KCNH8: variants seen among roughly 807,000 people sequenced by gnomAD.
KCNH8 encodes the protein voltage-gated delayed rectifier potassium channel KCNH8.
In KCNH8, 70 loss-of-function variants were observed where a neutral mutation model predicts 103.6. The ratio of observed to expected loss-of-function variants is 0.68; its 90% CI spans 0.56 to 0.82. The LOEUF (loss-of-function observed/expected upper bound fraction) is 0.82. KCNH8 is among the 40% of genes least tolerant of loss of function. The probability of loss-of-function intolerance (pLI) is 0.00; values close to 1 mark genes in which losing one functional copy is unlikely to be tolerated. For missense variants in KCNH8, 1,217 were observed against 1,329.9 expected, an observed-to-expected ratio of 0.92 and a Z score of 1.32; for synonymous variants, 498 against 489.4, an observed-to-expected ratio of 1.02 and a Z score of -0.23.
intron 11 of KCNH8, among the ~76,000 whole-genome samples, chr3:19,469,827 C>G (rs552149985): frequency 6.6e-6 from 1 of 152,154 alleles, no homozygotes; most frequent in Non-Finnish European, 1.5e-5. Flanking sequence ...CTCAGTGCCC[C>G]TTCTCTTCTT....
chr3:19,373,871 T>G (rs1020287535), intron 5 of KCNH8, among the ~76,000 whole-genome samples: 14 of 152,234 alleles, frequency 9.2e-5, no homozygotes, highest in South Asian at 6.2e-4. Flanking sequence ...TATGTACCCA[T>G]TAGTCATTCA....
chr3:19,298,998 G>A (rs1235258167), intron 3 of KCNH8, among the ~76,000 whole-genome samples: 1 of 151,778 alleles, frequency 6.6e-6, no homozygotes, highest in Non-Finnish European at 1.5e-5. Context: ...GGGTGCTTTG[G>A]AGTTGATGAA....
chr3:19,491,624 A>G (rs1269826213), intron 11 of KCNH8, among the ~76,000 whole-genome samples: 1 of 152,212 alleles, frequency 6.6e-6, no homozygotes, highest in African/African-American at 2.4e-5. Flanking sequence ...TGTCTTTGCT[A>G]TAGTGAGTAG....
intron 5 of KCNH8, among the ~76,000 whole-genome samples, chr3:19,350,107 C>T (rs907332447): frequency 6.6e-6 from 1 of 152,066 alleles, no homozygotes; most frequent in Admixed American, 6.6e-5. Context: ...TGAGTTTAAG[C>T]ATATCTACAA....
chr3:19,482,827 A>G, intron 11 of KCNH8, among the ~76,000 whole-genome samples: 1 of 152,202 alleles, frequency 6.6e-6, no homozygotes, highest in East Asian at 1.9e-4. Flanking sequence ...GTAGAGAGCT[A>G]ATCTATTTTG....
At chr3:19,248,462 A>C (rs1273932840) in intron 1 of KCNH8, among the ~76,000 whole-genome samples, 1 of 152,234 alleles carries the variant, frequency 6.6e-6, no homozygotes, top group Non-Finnish European at 1.5e-5. Flanking sequence ...AGGAGATGTC[A>C]TCAATGAATT....
At chr3:19,348,485 C>A (rs1266833726) in intron 5 of KCNH8, among the ~76,000 whole-genome samples, 1 of 152,060 alleles carries the variant, frequency 6.6e-6, no homozygotes, top group Non-Finnish European at 1.5e-5. Context: ...AAAGAAAAGG[C>A]CCCAAAGGAT....
At chr3:19,208,409 A>G (rs2125223260) in intron 1 of KCNH8, among the ~76,000 whole-genome samples, 1 of 152,134 alleles carries the variant, frequency 6.6e-6, no homozygotes, top group South Asian at 2.1e-4. Context: ...TTACCAAAGA[A>G]TAAATTCACT....
intron 5 of KCNH8, among the ~76,000 whole-genome samples, chr3:19,386,443 T>G (rs1161511646): frequency 1.3e-5 from 2 of 152,160 alleles, no homozygotes; most frequent in Non-Finnish European, 2.9e-5. Flanking sequence ...ATTAGCCTGC[T>G]TATTTACTCA....
intron 5 of KCNH8, among the ~76,000 whole-genome samples, chr3:19,364,834 G>A (rs1397642168): frequency 2.6e-5 from 4 of 152,078 alleles, no homozygotes; most frequent in East Asian, 1.9e-4. Flanking sequence ...GTCAGTTCAC[G>A]TATTGCTTCA....
intron 15 of KCNH8, among the ~76,000 whole-genome samples, chr3:19,519,681 G>A (rs1044996390): frequency 1.3e-5 from 2 of 151,094 alleles, no homozygotes; most frequent in African/African-American, 2.4e-5. Context: ...AAAAAACACC[G>A]AAACCCAAAA....
chr3:19,475,131 C>A (rs1042690034), intron 11 of KCNH8, among the ~76,000 whole-genome samples: 3 of 152,104 alleles, frequency 2.0e-5, no homozygotes, highest in Non-Finnish European at 4.4e-5. Context: ...GCCAGAATTG[C>A]ACAAATTTTT....
At chr3:19,308,655 T>C (rs1322481149) in intron 3 of KCNH8, among the ~76,000 whole-genome samples, 3 of 3,192 alleles carry the variant, frequency 9.4e-4, no homozygotes, top group Admixed American at 4.7e-3. Flanking sequence ...TTGGGGTCTC[T>C]CTCTCTCTCT....
intron 3 of KCNH8, among the ~76,000 whole-genome samples, chr3:19,315,269 G>T (rs993896030): frequency 6.6e-6 from 1 of 151,936 alleles, no homozygotes; most frequent in Non-Finnish European, 1.5e-5. Flanking sequence ...GGGCATCCAA[G>T]TCTATGCAGG....
At chr3:19,517,633 T>A (rs2068897132) in intron 14 of KCNH8, among the ~76,000 whole-genome samples, 1 of 151,914 alleles carries the variant, frequency 6.6e-6, no homozygotes, top group Admixed American at 6.6e-5. Context: ...AGAAGAAAAA[T>A]AATATCCCTT....
intron 7 of KCNH8, among the ~76,000 whole-genome samples, chr3:19,421,102 T>A (rs999175297): frequency 6.6e-6 from 1 of 152,188 alleles, no homozygotes; most frequent in Admixed American, 6.5e-5. Context: ...AACAACTACT[T>A]TTTAAAAAAT....
chr3:19,487,332 T>C (rs1035436626), intron 11 of KCNH8, among the ~76,000 whole-genome samples: 2 of 152,200 alleles, frequency 1.3e-5, no homozygotes, highest in Non-Finnish European at 2.9e-5. Flanking sequence ...TTAGGAACTG[T>C]TGGGTGCAGA....
intron 8 of KCNH8, chr3:19,449,152 C>T (rs938844858): frequency 3.4e-6 from 1 of 291,926 alleles, no homozygotes; most frequent in South Asian, 3.1e-5. Context: ...TCTCCATATG[C>T]CCTCAAATTC....
chr3:19,372,444 A>G (rs969541990), intron 5 of KCNH8, among the ~76,000 whole-genome samples: 6 of 151,130 alleles, frequency 4.0e-5, no homozygotes, highest in East Asian at 1.9e-4. Context: ...AATGCTTGTG[A>G]TTTTTGTACA....
Sources: gnomAD v4.1 joint callset for allele counts (sites outside exome capture counted in the v4.1 genomes callset) on GRCh38, gnomAD v4.1.1 for gene constraint, MANE v1.5 for transcripts, NCBI Gene and HGNC (gene_info 2026-07-23, HGNC 2026-07-21) for gene names.